Variants in PCDHGB4 observed in about 807,000 individuals in gnomAD.
PCDHGB4 encodes protocadherin gamma-B4.
In PCDHGB4, 38 loss-of-function variants were observed where a neutral mutation model predicts 60.5. That is an observed-to-expected ratio of 0.63 (90% confidence interval 0.48 to 0.82). The LOEUF (loss-of-function observed/expected upper bound fraction) is 0.82, where lower values mean the gene tolerates loss of function less well. Among genes scored for constraint, PCDHGB4 ranks in the 40% least tolerant of loss-of-function variants. The pLI is 0.00. For missense variants in PCDHGB4, 1,109 were observed against 1,209.6 expected (o/e 0.92, Z 1.23); for synonymous variants, 456 against 509.7 (o/e 0.89, Z 1.42).
At chr5:141,509,143 C>T (rs1022878562) in intron 3 of PCDHGB4, among the ~76,000 whole-genome samples, 9 of 152,138 alleles carry the variant, frequency 5.9e-5, no homozygotes, top group Non-Finnish European at 1.0e-4. Flanking sequence ...AGGCGCATCC[C>T]GGCTCTCCCC....
intron 1 of PCDHGB4, chr5:141,423,748 T>TG: frequency 7.2e-6 from 2 of 278,014 alleles, no homozygotes; most frequent in Admixed American, 4.2e-4. Flanking sequence ...ATGAAAACTG[T>TG]TTGGGGGGGG....
chr5:141,441,725 C>A, intron 1 of PCDHGB4: 1 of 352,450 alleles, frequency 2.8e-6, no homozygotes. Flanking sequence ...AGGCCCGCGA[C>A]CAGGACTAGC....
intron 1 of PCDHGB4, chr5:141,416,673 C>A (rs1259750007): frequency 6.6e-6 from 1 of 151,958 alleles, no homozygotes; most frequent in Non-Finnish European, 1.5e-5. Flanking sequence ...ATATATGCAA[C>A]GAAGGGAAAT....
intron 1 of PCDHGB4, chr5:141,398,580 A>T: frequency 1.2e-6 from 2 of 1,614,044 alleles, no homozygotes; most frequent in Non-Finnish European, 1.7e-6. Flanking sequence ...CTGGCACAAG[A>T]TTTATACTAG....
chr5:141,461,773 C>T (rs894271810), intron 1 of PCDHGB4, among the ~76,000 whole-genome samples: 3 of 152,108 alleles, frequency 2.0e-5, no homozygotes, highest in Non-Finnish European at 4.4e-5. Context: ...CCTGCCTCAG[C>T]CTCCCAAGTA....
At chr5:141,425,209 A>ATCAT (rs1368049572) in intron 1 of PCDHGB4, among the ~76,000 whole-genome samples, 2 of 152,180 alleles carry the variant, frequency 1.3e-5, no homozygotes, top group Admixed American at 1.3e-4. Flanking sequence ...GATGTAAGGC[A>ATCAT]TTGTACTTTG....
chr5:141,458,551 T>A (rs1019302178), intron 1 of PCDHGB4, among the ~76,000 whole-genome samples: 1 of 148,194 alleles, frequency 6.7e-6, no homozygotes, highest in Non-Finnish European at 1.5e-5. Flanking sequence ...TTTGTTTGTT[T>A]GTTTTGGTTT....
chr5:141,414,007 A>G (rs1047239460), intron 1 of PCDHGB4: 2 of 1,613,292 alleles, frequency 1.2e-6, no homozygotes, highest in Non-Finnish European at 1.7e-6. Flanking sequence ...CGAAGGTGCC[A>G]ATGGAGAAGT....
At chr5:141,427,526 G>A (rs956426158) in intron 1 of PCDHGB4, 2 of 612,866 alleles carry the variant, frequency 3.3e-6, no homozygotes, top group Middle Eastern at 2.6e-4. Context: ...AGCGGATCCC[G>A]GAGTACAACG....
At chr5:141,393,669 G>A in intron 1 of PCDHGB4, 1 of 1,613,886 alleles carries the variant, frequency 6.2e-7, no homozygotes, top group Non-Finnish European at 8.5e-7. Flanking sequence ...GAAAATTAAT[G>A]AAAAACAAAC....
chr5:141,422,686 C>T, intron 1 of PCDHGB4: 1 of 1,605,000 alleles, frequency 6.2e-7, no homozygotes, highest in East Asian at 2.2e-5. Flanking sequence ...ACAGAATGCC[C>T]TGGTCACTTA....
chr5:141,470,707 TA>T (rs1207543665), intron 1 of PCDHGB4, among the ~76,000 whole-genome samples: 1 of 152,164 alleles, frequency 6.6e-6, no homozygotes, highest in African/African-American at 2.4e-5. Flanking sequence ...ATTTTTATTT[TA>T]TTTTTTTGAG....
chr5:141,421,970 A>C, intron 1 of PCDHGB4: 1 of 1,610,928 alleles, frequency 6.2e-7, no homozygotes, highest in Middle Eastern at 1.7e-4. Flanking sequence ...CAGTCCGTAT[A>C]TCGCGTGAGT....
chr5:141,406,757 A>C (rs1274112027), intron 1 of PCDHGB4, among the ~76,000 whole-genome samples: 3 of 152,230 alleles, frequency 2.0e-5, no homozygotes, highest in Non-Finnish European at 4.4e-5. Context: ...CAAAACAAGG[A>C]ATTAAAAATA....
At chr5:141,478,256 A>G in intron 1 of PCDHGB4, 6 of 1,614,126 alleles carry the variant, frequency 3.7e-6, no homozygotes, top group Non-Finnish European at 5.1e-6. Flanking sequence ...CGGAGTAATC[A>G]TATTCAAAGT....
At chr5:141,427,355 C>T (rs765449381) in intron 1 of PCDHGB4, 2 of 457,430 alleles carry the variant, frequency 4.4e-6, no homozygotes, top group African/African-American at 2.0e-5. Flanking sequence ...TAACTGAGGA[C>T]GCAGAACCCT....
At chr5:141,399,901 G>A (rs767228671) in intron 1 of PCDHGB4, 42 of 1,612,296 alleles carry the variant, frequency 2.6e-5, no homozygotes, top group African/African-American at 1.3e-5. Flanking sequence ...GGCCGTGGAC[G>A]CAGACTCAGG....
chr5:141,421,787 C>T (rs753196648), intron 1 of PCDHGB4: 8 of 1,613,694 alleles, frequency 5.0e-6, no homozygotes, highest in East Asian at 2.2e-5. Context: ...CGGGGCAGAA[C>T]GGATGGGGCC....
At chr5:141,422,399 T>C in intron 1 of PCDHGB4, 3 of 1,598,374 alleles carry the variant, frequency 1.9e-6, no homozygotes, top group Non-Finnish European at 2.6e-6. Context: ...CCTAACCACC[T>C]GCCTTTTAAA....
Sources: gnomAD v4.1 joint callset for allele counts (sites outside exome capture counted in the v4.1 genomes callset) on GRCh38, gnomAD v4.1.1 for gene constraint, MANE v1.5 for transcripts, NCBI Gene and HGNC (gene_info 2026-07-23, HGNC 2026-07-21) for gene names.